The following ZNF469 variants were observed in gnomAD, a reference collection of about 807,000 sequenced individuals.
ZNF469 encodes zinc finger protein 469.
ZNF469 carries 1 observed loss-of-function variant against 1.0 expected under a neutral mutation model. The ratio of observed to expected loss-of-function variants is 1.00; its 90% CI spans 0.35 to 4.73. ZNF469 has a LOEUF of 4.73. ZNF469 is among the 30% of genes most tolerant of loss of function. The pLI is 0.16. For synonymous variants in ZNF469, 2,703 were observed against 2,363.4 expected, an observed-to-expected ratio of 1.14 and a Z score of -4.17; for missense variants, 6,100 against 5,356.3, an observed-to-expected ratio of 1.14 and a Z score of -4.33.
At chr16:88,409,123 G>T (rs926646407) in intron 1 of ZNF469, among the ~76,000 whole-genome samples, 4 of 152,220 alleles carry the variant, frequency 2.6e-5, no homozygotes, top group African/African-American at 9.6e-5. Context: ...TGGGACCAGA[G>T]ACCCCGGGAG....
chr16:88,283,359 G>A, the ZNF469 span, among the ~76,000 whole-genome samples: 1 of 151,880 alleles, frequency 6.6e-6, no homozygotes, highest in African/African-American at 2.4e-5. Context: ...ACCCTGAAGT[G>A]TGTTGGGGAG....
the ZNF469 span, among the ~76,000 whole-genome samples, chr16:88,162,168 T>G: frequency 2.0e-5 from 3 of 152,120 alleles, no homozygotes; most frequent in African/African-American, 7.2e-5. Flanking sequence ...AATCCTCCAT[T>G]TAGCCAACTT....
chr16:88,102,802 G>C, the ZNF469 span, among the ~76,000 whole-genome samples: 6 of 152,226 alleles, frequency 3.9e-5, no homozygotes, highest in Non-Finnish European at 8.8e-5. Context: ...TCCACCGCAG[G>C]GCCCCTGATC....
chr16:88,179,477 C>G, the ZNF469 span, among the ~76,000 whole-genome samples: 1 of 152,306 alleles, frequency 6.6e-6, no homozygotes, highest in East Asian at 1.9e-4. Flanking sequence ...TCTTGTACAG[C>G]CTGCAGAACT....
At chr16:88,260,292 A>C in the ZNF469 span, among the ~76,000 whole-genome samples, 1 of 152,188 alleles carries the variant, frequency 6.6e-6, no homozygotes, top group Admixed American at 6.5e-5. The surrounding 1 kb of genome is among the most constrained non-coding windows in gnomAD (Gnocchi z 4.1). Context: ...CCCAGCCAAA[A>C]AGTCGCTTTA....
chr16:88,433,312 G>A lies in ZNF469; in HGVS notation c.5842G>A (p.Gly1948Arg), dbSNP rs1223478774. ...SGLEGGTVEG[G>R]KVACGPAQGS... ...TCTGGAAGGGGGCACTGTGGAAGGA[G>A]GGAAGGTGGCCTGTGGCCCCGCCCA... is the stretch of plus-strand genomic sequence containing the variant. The change falls in exon 3 of 3, where the codon GGG (glycine) becomes AGG (arginine). Residue 1948 changes from glycine to arginine, a missense_variant. Gly to Arg is a moderately radical substitution (Grantham distance 125). Coordinates refer to ENST00000565624, the MANE Select transcript of ZNF469 (RefSeq NM_001367624.2). 6 of 1,550,252 alleles carry A rather than the reference G, an allele frequency of 3.9e-6. No individual in the cohort carries two copies. Among genetic ancestry groups the A allele is most frequent in the Non-Finnish European group, 2.6e-6 (3 of 1,146,964 alleles).
chr16:88,325,203 C>T, the ZNF469 span, among the ~76,000 whole-genome samples: 4 of 111,318 alleles, frequency 3.6e-5, no homozygotes, highest in South Asian at 2.6e-4. Flanking sequence ...TCCAGGTGGT[C>T]GCGACAGCAG....
chr16:88,170,865 C>T, the ZNF469 span, among the ~76,000 whole-genome samples: 1 of 152,082 alleles, frequency 6.6e-6, no homozygotes, highest in African/African-American at 2.4e-5. This position sits in a 1 kb window ranked among gnomAD's most constrained non-coding sequence, Gnocchi z 4.2. Flanking sequence ...AGCTAACTGA[C>T]TTTCCCTCCA....
At chr16:88,293,556 A>G in the ZNF469 span, among the ~76,000 whole-genome samples, 1 of 152,162 alleles carries the variant, frequency 6.6e-6, no homozygotes, top group Non-Finnish European at 1.5e-5. Flanking sequence ...AAGGGAAATG[A>G]TGATCCATCA....
chr16:88,192,788 T>C, the ZNF469 span, among the ~76,000 whole-genome samples: 1 of 150,128 alleles, frequency 6.7e-6, no homozygotes, highest in Non-Finnish European at 1.5e-5. Flanking sequence ...GTGGTGATAG[T>C]GGTGATGACA....
chr16:88,247,733 G>C, the ZNF469 span, among the ~76,000 whole-genome samples: 43 of 151,986 alleles, frequency 2.8e-4, no homozygotes, highest in African/African-American at 1.0e-3. Flanking sequence ...GAGTGAGTGA[G>C]TCAATGAGTG....
Position 88,439,136 on chromosome 16 carries a change from A to G in ZNF469, c.11666A>G (p.Asp3889Gly), listed in dbSNP as rs1906824433. The change falls in exon 3 of 3, where the codon GAC becomes GGC. Residue 3889 changes from aspartate to glycine, a missense_variant. Transcript: ENST00000565624. ...KAEPGHTQRK[D>G]RLGKAFPQGR... is the part of the protein sequence containing the mutation. ...GAGCCGGGCCACACACAGAGGAAGG[A>G]CAGACTGGGCAAGGCCTTCCCCCAG... 1 of 1,550,656 alleles carries G rather than the reference A, an allele frequency of 6.4e-7. No homozygotes were observed. The highest frequency in any genetic ancestry group is 2.4e-5 in the East Asian group (1 of 40,938).
chr16:88,276,711 G>C, the ZNF469 span: 5 of 152,246 alleles, frequency 3.3e-5, no homozygotes, highest in African/African-American at 4.8e-5. Flanking sequence ...CAGTGCATGG[G>C]TCAGTGCTGC....
the ZNF469 span, chr16:88,191,828 G>C: frequency 6.6e-6 from 1 of 152,260 alleles, no homozygotes; most frequent in Admixed American, 6.5e-5. Context: ...GATGGCTTTG[G>C]AGATTTACTG....
At position 88,415,160 on chromosome 16, in the gene ZNF469, G is replaced by A. The variant is rs575072623; in HGVS notation, c.-191-9647G>A. 9.2e-5 allele frequency among the ~76,000 whole-genome samples: 14 copies of A among 152,362 alleles called. No individual in the cohort carries two copies. The East Asian group carries it at 1.5e-3, about 17-fold the overall frequency. On this transcript the variant is annotated intron_variant, in intron 1 of 2. Coordinates refer to ENST00000565624, the MANE Select transcript of ZNF469 (RefSeq NM_001367624.2). ...ACAGAACCACCTTGTGGGGCCTTGA[G>A]AGGATTCATGAGGCAGTGCTGGCCC...
chr16:88,379,329 G>A (rs1485669871), upstream of ZNF469, among the ~76,000 whole-genome samples: 1 of 152,150 alleles, frequency 6.6e-6, no homozygotes, highest in East Asian at 1.9e-4. Flanking sequence ...CAGGGGCTAG[G>A]ACCACCCGGG....
the ZNF469 span, among the ~76,000 whole-genome samples, chr16:88,333,246 G>T: frequency 6.6e-6 from 1 of 152,162 alleles, no homozygotes; most frequent in Non-Finnish European, 1.5e-5. Flanking sequence ...AAGCCGGTGG[G>T]TACGGCCAGG....
the ZNF469 span, among the ~76,000 whole-genome samples, chr16:88,354,907 C>T: frequency 2.0e-5 from 3 of 152,156 alleles, no homozygotes; most frequent in Admixed American, 6.5e-5. Flanking sequence ...CCTGAGGAGT[C>T]GAGTCGAGTC....
At chr16:88,376,907 C>T in the ZNF469 span, among the ~76,000 whole-genome samples, 31 of 152,304 alleles carry the variant, frequency 2.0e-4, no homozygotes, top group Admixed American at 1.2e-3. Context: ...CTCCTCCCAG[C>T]GTGCCCCGAG....
Sources: gnomAD v4.1 joint callset for allele counts (sites outside exome capture counted in the v4.1 genomes callset) on GRCh38, gnomAD v4.1.1 for gene constraint, Gnocchi (gnomAD v3.1) non-coding constraint, MANE v1.5 for transcripts, NCBI Gene and HGNC (gene_info 2026-07-23, HGNC 2026-07-21) for gene names.